The following TMEM269 variants were observed in gnomAD, a reference collection of about 807,000 sequenced individuals.
TMEM269 encodes the protein transmembrane protein 269.
TMEM269 carries 12 observed loss-of-function variants against 15.8 expected under a neutral mutation model. That is an observed-to-expected ratio of 0.76 (90% CI 0.49 to 1.23). The LOEUF (loss-of-function observed/expected upper bound fraction) is 1.23, where lower values mean the gene tolerates loss of function less well. Among genes scored for constraint, TMEM269 ranks in the 50% most tolerant of loss-of-function variants. The pLI is 0.00. For synonymous variants in TMEM269, 93 were observed against 99.3 expected, an observed-to-expected ratio of 0.94 and a Z score of 0.38; for missense variants, 211 against 245.4, an observed-to-expected ratio of 0.86 and a Z score of 0.94.
intron 3 of TMEM269, 24 bp downstream of exon 3, chr1:42,792,926 A>T (rs1190086565): frequency 6.5e-7 from 1 of 1,527,342 alleles, no homozygotes; most frequent in Non-Finnish European, 8.9e-7. Context: ...CCAGGCCCCT[A>T]ATCCTTGCCC....
At chr1:42,787,517 G>A (rs1005314600) in intron 1 of TMEM269, among the ~76,000 whole-genome samples, 11 of 150,198 alleles carry the variant, frequency 7.3e-5, no homozygotes, top group East Asian at 2.0e-4. Flanking sequence ...GGAGAATGGC[G>A]TGAACCCGGG....
At position 42,798,183 on chromosome 1, in the gene TMEM269, T is replaced by C. The variant is rs758448090; in HGVS notation, c.570T>C (p.Asp190=). 6.5e-7 allele frequency: 1 copy of C among 1,549,682 alleles called. No individual in the cohort carries two copies. Among genetic ancestry groups the C allele is most frequent in the South Asian group, 1.2e-5 (1 of 84,060 alleles). Residue 190 remains aspartate, a synonymous_variant, in exon 6 of 6, where the codon GAT becomes GAC. Transcript: ENST00000637012. ...MWSLSYIFFP[D]ALWGKAACLS... ...CGCTCTCGTACATCTTCTTTCCAGA[T>C]GCTCTGTGGGGCAAGGCAGCCTGTC...
Position 42,800,606 on chromosome 1 carries a change from T to C in TMEM269, c.*2381T>C, listed in dbSNP as rs758825818. The C allele has an allele frequency of 6.6e-6, 1 of 152,194 alleles. No individual in the cohort carries two copies. The highest frequency in any genetic ancestry group is 1.5e-5 in the Non-Finnish European group (1 of 68,026). The allele number at this position is 152,194 out of a possible 1,614,324, so 9.4% of individuals were successfully genotyped here. ...TGTCTGATAAGCGGAATCAAGTGAC[T>C]GAGAATTCTGCTACTCTTTTAGCCC... is the stretch of plus-strand genomic sequence containing the variant. On this transcript the variant is annotated 3_prime_UTR_variant, in exon 6 of 6. Transcript: ENST00000637012.
At chr1:42,786,479 A>C (rs1304583355) in intron 1 of TMEM269, among the ~76,000 whole-genome samples, 1 of 152,182 alleles carries the variant, frequency 6.6e-6, no homozygotes, top group Non-Finnish European at 1.5e-5. Flanking sequence ...GGTTCTGAGA[A>C]GGGTGGGGAG....
In TMEM269 at chr1:42,794,773, A is replaced by G. The variant is rs114555081; in HGVS notation, c.484+160A>G. On this transcript the variant is annotated intron_variant, in intron 5 of 5. Coordinates refer to ENST00000637012, the MANE Select transcript of TMEM269 (RefSeq NM_001354602.2). ...ACTAGTTTTCTTATTGTCTATAAAC[A>G]CTAAACCTACCCCCAATAGAGGACT... Among the ~76,000 whole-genome samples, 1,169 of 152,338 alleles carry G rather than the reference A, an allele frequency of 7.7e-3. 25 individuals carry two copies. Among genetic ancestry groups the G allele is most frequent in the African/African-American group, 0.027 (1,105 of 41,568 alleles).
intron 2 of TMEM269, among the ~76,000 whole-genome samples, chr1:42,791,747 G>A (rs751217273): frequency 6.6e-6 from 1 of 152,196 alleles, no homozygotes; most frequent in Admixed American, 6.5e-5. Flanking sequence ...CATGCCTGTA[G>A]TTCCAGCACT....
At position 42,798,325 on chromosome 1, in the gene TMEM269, C is replaced by A. The variant is rs1479069172; in HGVS notation, c.*100C>A. 8 of 1,430,524 alleles carry A rather than the reference C, an allele frequency of 5.6e-6. No individual in the cohort carries two copies. In the African/African-American group the frequency reaches 1.0e-4, roughly 18 times the overall value. 88.6% of individuals were successfully genotyped at this position (1,430,524 alleles called of 1,614,324 possible). A position where few individuals can be genotyped will look rare whatever the true frequency, so the allele number is the denominator to read the frequency against. On this transcript the variant is annotated 3_prime_UTR_variant, in exon 6 of 6. Coordinates refer to ENST00000637012, the MANE Select transcript of TMEM269 (RefSeq NM_001354602.2). The stretch of plus-strand genomic sequence containing the variant: ...TAAAGCTTTGTATGTACCTGTGTTG[C>A]CATATACTAGATATATGGTATGTCT...
intron 5 of TMEM269, among the ~76,000 whole-genome samples, chr1:42,796,245 G>C (rs114340671): frequency 0.011 from 1,610 of 152,082 alleles, 29 homozygotes; most frequent in African/African-American, 0.037. Flanking sequence ...AGTGTTCTTC[G>C]CTCCTGTAGA....
rs193069062 is a variant in TMEM269, at chr1:42,797,534, C to T, written c.485-564C>T. ...CCAGAAGGAAACCAGGTGTTACCAC[C>T]GTGCTTATATGGACAGTCTAGGAAC... is the stretch of plus-strand genomic sequence containing the variant. On this transcript the variant is annotated intron_variant, in intron 5 of 5. Coordinates refer to ENST00000637012, the MANE Select transcript of TMEM269 (RefSeq NM_001354602.2). The surrounding 1 kb of genome is among the most constrained non-coding windows in gnomAD (Gnocchi z 4.9). Among the ~76,000 whole-genome samples the T allele has an allele frequency of 1.2e-4, 18 of 152,254 alleles. No homozygotes were observed. The highest frequency in any genetic ancestry group is 7.4e-5 in the Non-Finnish European group (5 of 68,026).
In TMEM269 at chr1:42,789,115, G is replaced by A. The variant is rs185182211; in HGVS notation, c.-98-681G>A. Reference sequence around the variant, plus strand: ...TTTTTGTATTTTTAGTAGAGACAGGGTTTCAACATGTTGGCTAGGCTGGTC... The same window carrying A: ...TTTTTGTATTTTTAGTAGAGACAGGATTTCAACATGTTGGCTAGGCTGGTC... On this transcript the variant is annotated intron_variant, in intron 1 of 5. Transcript: ENST00000637012. Among the ~76,000 whole-genome samples, 123 of 152,180 alleles carry A rather than the reference G, an allele frequency of 8.1e-4. 1 individual carries two copies. Among genetic ancestry groups the A allele is most frequent in the African/African-American group, 2.9e-3 (122 of 41,514 alleles).
At position 42,789,656 on chromosome 1, in the gene TMEM269, G is replaced by A. The variant is rs186793797; in HGVS notation, c.-98-140G>A. ...CCTGAGTCTCCTTCATCTACCTCCT[G>A]TCTCCCTTAGTCCAGCCAGTGAAAC... On this transcript the variant is annotated intron_variant, in intron 1 of 5. Transcript: ENST00000637012. 1,807 of 802,196 alleles carry A rather than the reference G, an allele frequency of 2.3e-3. 2 individuals carry two copies. Among genetic ancestry groups the A allele is most frequent in the Non-Finnish European group, 3.2e-3 (1,563 of 485,304 alleles). The allele number at this position is 802,196 out of a possible 1,614,324, so 49.7% of individuals were successfully genotyped here. A position where few individuals can be genotyped will look rare whatever the true frequency, so the allele number is the denominator to read the frequency against.
chr1:42,791,178 G>C (rs1212045837), intron 2 of TMEM269, among the ~76,000 whole-genome samples: 1 of 152,174 alleles, frequency 6.6e-6, no homozygotes, highest in Non-Finnish European at 1.5e-5. Flanking sequence ...ATCAGAAACT[G>C]ACAGATCCAA....
intron 1 of TMEM269, among the ~76,000 whole-genome samples, chr1:42,787,562 TGCAGTCCGCAGTCCG>T (rs1383693745): frequency 8.2e-6 from 1 of 121,846 alleles, no homozygotes; most frequent in African/African-American, 3.2e-5. Context: ...ATTGTGCCAC[TGCAGTCCGCAGTCCG>T]GCCTGGGCGA....
chr1:42,795,013 A>C (rs1461620839), intron 5 of TMEM269, among the ~76,000 whole-genome samples: 1 of 152,218 alleles, frequency 6.6e-6, no homozygotes, highest in East Asian at 1.9e-4. Flanking sequence ...ACAGAGATCA[A>C]ACAAATAATG....
At chr1:42,793,875 C>A in intron 4 of TMEM269, 131 bp downstream of exon 4, 1 of 1,035,260 alleles carries the variant, frequency 9.7e-7, no homozygotes, top group Non-Finnish European at 1.4e-6. Flanking sequence ...TCCTTGCGTG[C>A]CCCATGCCCC....
At chr1:42,785,156 A>G (rs1229213412) in intron 1 of TMEM269, 74 bp downstream of exon 1, 1 of 152,252 alleles carries the variant, frequency 6.6e-6, no homozygotes, top group African/African-American at 2.4e-5. Flanking sequence ...GCCCGGCTCC[A>G]TCTTCCCGAT....
intron 4 of TMEM269, among the ~76,000 whole-genome samples, chr1:42,794,063 G>T (rs576754232): frequency 1.3e-5 from 2 of 152,304 alleles, no homozygotes; most frequent in East Asian, 1.9e-4. Flanking sequence ...AACAGATGGA[G>T]AAACCATGCT....
Position 42,794,567 on chromosome 1 carries a change from C to T in TMEM269, c.438C>T (p.Asp146=). Residue 146 remains aspartate, a synonymous_variant, in exon 5 of 6, where the codon GAC becomes GAT. Transcript: ENST00000637012. ...FMMDQSYYPY[D]KILESENWKK... ...TGGACCAGAGCTACTATCCATATGA[C>T]AAAATCCTGGAGTCTGAGAACTGGA... The T allele has an allele frequency of 6.4e-7, 1 of 1,550,920 alleles. No homozygotes were observed. The highest frequency in any genetic ancestry group is 8.7e-7 in the Non-Finnish European group (1 of 1,147,074).
rs780538764 is a variant in TMEM269, at chr1:42,797,128, C to T, written c.485-970C>T. Among the ~76,000 whole-genome samples, 2 of 152,086 alleles carry T rather than the reference C, an allele frequency of 1.3e-5. No homozygotes were observed. Among genetic ancestry groups the T allele is most frequent in the African/African-American group, 4.8e-5 (2 of 41,406 alleles). On this transcript the variant is annotated intron_variant, in intron 5 of 5. Transcript: ENST00000637012. The surrounding 1 kb of genome is among the most constrained non-coding windows in gnomAD (Gnocchi z 4.9). ...TAGTGCAAAATAGATATTCCACAAA[C>T]GTGAGTGCTCTTTTGCCTTTTGGTG...
Sources: allele counts gnomAD v4.1 joint callset (sites outside exome capture counted in the v4.1 genomes callset), GRCh38; gene constraint gnomAD v4.1.1; non-coding constraint Gnocchi (gnomAD v3.1); transcripts MANE v1.5; gene names NCBI Gene and HGNC (gene_info 2026-07-23, HGNC 2026-07-21).